The following MVB12B variants were observed in gnomAD, a reference collection of about 807,000 sequenced individuals.
MVB12B encodes the protein ESCRT-I complex subunit MVB12B.
MVB12B carries 16 observed loss-of-function variants against 41.6 expected under a neutral mutation model. That is an observed-to-expected ratio of 0.38 (90% confidence interval 0.26 to 0.58). The LOEUF is 0.58. Ranked by LOEUF, MVB12B falls within the 20% of genes least tolerant of loss-of-function variation. The pLI, the probability that MVB12B is intolerant of heterozygous loss-of-function variation, is 0.62. For missense variants in MVB12B, 274 were observed against 380.2 expected (o/e 0.72, Z 2.32); for synonymous variants, 133 against 139.7 (o/e 0.95, Z 0.34).
intron 7 of MVB12B, among the ~76,000 whole-genome samples, chr9:126,450,155 C>T (rs1832862831): frequency 6.6e-6 from 1 of 152,246 alleles, no homozygotes; most frequent in African/African-American, 2.4e-5. Flanking sequence ...CCTGGGAGGG[C>T]CCATCAGGTG....
At chr9:126,434,018 C>A (rs576111879) in intron 7 of MVB12B, among the ~76,000 whole-genome samples, 2 of 152,300 alleles carry the variant, frequency 1.3e-5, no homozygotes, top group African/African-American at 4.8e-5. Context: ...TCAGCTCTTA[C>A]ACAGTATGAG....
intron 3 of MVB12B, among the ~76,000 whole-genome samples, chr9:126,382,901 A>G (rs1830674161): frequency 6.6e-6 from 1 of 152,216 alleles, no homozygotes; most frequent in South Asian, 2.1e-4. Context: ...TTTCATCAAC[A>G]TATGTTGAAC....
At chr9:126,332,889 G>A (rs370584573) in intron 1 of MVB12B, among the ~76,000 whole-genome samples, 7 of 152,146 alleles carry the variant, frequency 4.6e-5, no homozygotes, top group South Asian at 2.1e-4. Flanking sequence ...AGTAACTTAC[G>A]GTCTGCTAGG....
In MVB12B at chr9:126,332,631, C is replaced by T. The variant is rs932627026; in HGVS notation, c.81+5621C>T. Among the ~76,000 whole-genome samples, 11 of 152,324 alleles carry T rather than the reference C, an allele frequency of 7.2e-5. No individual in the cohort carries two copies. In the South Asian group the frequency reaches 8.3e-4, roughly 11 times the overall value. On this transcript the variant is annotated intron_variant, in intron 1 of 9. Transcript: ENST00000361171. ...TGGAGGAATCAGTGACCCCAGACCC[C>T]GGGCTTTCACTGGAAGGGGTCTGAC...
At chr9:126,470,127 G>T (rs1282356015) in intron 7 of MVB12B, among the ~76,000 whole-genome samples, 1 of 152,158 alleles carries the variant, frequency 6.6e-6, no homozygotes, top group Non-Finnish European at 1.5e-5. Context: ...CCCTTTCGCG[G>T]TAGACCCCTT....
At chr9:126,362,745 T>C (rs1588107252) in intron 2 of MVB12B, among the ~76,000 whole-genome samples, 1 of 152,220 alleles carries the variant, frequency 6.6e-6, no homozygotes, top group Admixed American at 6.5e-5. Flanking sequence ...TGAAAAAAGA[T>C]TGGACGCTTC....
chr9:126,433,720 G>A (rs935514382), intron 7 of MVB12B, among the ~76,000 whole-genome samples: 7 of 152,076 alleles, frequency 4.6e-5, no homozygotes, highest in African/African-American at 1.4e-4. Flanking sequence ...ATTGCAGCCC[G>A]TGAGCATTCC....
chr9:126,445,223 CAT>C (rs951929756), intron 7 of MVB12B, among the ~76,000 whole-genome samples: 6 of 152,118 alleles, frequency 3.9e-5, no homozygotes, highest in Non-Finnish European at 2.9e-5. Context: ...TATTCAGTAA[CAT>C]ATTATAGTTT....
chr9:126,464,097 C>G (rs1833144403), intron 7 of MVB12B, among the ~76,000 whole-genome samples: 1 of 152,168 alleles, frequency 6.6e-6, no homozygotes, highest in Admixed American at 6.5e-5. Flanking sequence ...TGAGAGTTCC[C>G]CCACCTACAG....
Position 126,447,622 on chromosome 9 carries a change from G to A in MVB12B, c.757+25674G>A, listed in dbSNP as rs900171564. 5.3e-5 allele frequency among the ~76,000 whole-genome samples: 8 copies of A among 152,066 alleles called. No homozygotes were observed. In the East Asian group the frequency reaches 5.8e-4, roughly 11 times the overall value. ...ATATATCAGTTTTACTAAATGCTCC[G>A]TTGATACTTGAAAACACATCTTCTC... is the stretch of plus-strand genomic sequence containing the variant. On this transcript the variant is annotated intron_variant, in intron 7 of 9. Transcript: ENST00000361171.
At chr9:126,457,918 G>A (rs532996649) in intron 7 of MVB12B, among the ~76,000 whole-genome samples, 34 of 152,204 alleles carry the variant, frequency 2.2e-4, no homozygotes, top group Admixed American at 5.2e-4. Context: ...TAATAAAAGC[G>A]AGCAAAAAGC....
At chr9:126,402,840 C>T (rs1192634354) in intron 6 of MVB12B, among the ~76,000 whole-genome samples, 1 of 152,226 alleles carries the variant, frequency 6.6e-6, no homozygotes, top group Non-Finnish European at 1.5e-5. Flanking sequence ...ACAGAACATA[C>T]ATTTTCATTG....
chr9:126,458,427 C>T (rs180949630), intron 7 of MVB12B, among the ~76,000 whole-genome samples: 239 of 152,322 alleles, frequency 1.6e-3, no homozygotes, highest in African/African-American at 5.6e-3. Flanking sequence ...GACCCCTGGC[C>T]GGAGCCAGCA....
intron 7 of MVB12B, among the ~76,000 whole-genome samples, chr9:126,446,938 C>CTTT (rs33991689): frequency 1.2e-4 from 13 of 104,318 alleles, no homozygotes; most frequent in Non-Finnish European, 1.4e-4. Context: ...TTTTAACTTT[C>CTTT]TTTTTTTTTT....
chr9:126,419,606 AC>A (rs1379801394), intron 6 of MVB12B, among the ~76,000 whole-genome samples: 3 of 152,148 alleles, frequency 2.0e-5, no homozygotes, highest in African/African-American at 7.2e-5. Context: ...CTCAACCACA[AC>A]CACAGTCGAT....
Position 126,459,101 on chromosome 9 carries a change from G to T in MVB12B, c.758-22268G>T, listed in dbSNP as rs1207469353. Among the ~76,000 whole-genome samples, 1 of 152,186 alleles carries T rather than the reference G, an allele frequency of 6.6e-6. No individual in the cohort carries two copies. The highest frequency in any genetic ancestry group is 2.4e-5 in the African/African-American group (1 of 41,436). ...GTTTTAAGGGCTCAGATCACAGCAG[G>T]TCTGGACCTAAGAGAACCCCCAGGT... is the stretch of plus-strand genomic sequence containing the variant. On this transcript the variant is annotated intron_variant, in intron 7 of 9. Transcript: ENST00000361171. This position sits in a 1 kb window ranked among gnomAD's most constrained non-coding sequence, Gnocchi z 4.3.
At chr9:126,479,754 G>A (rs1350292664) in intron 7 of MVB12B, among the ~76,000 whole-genome samples, 2 of 152,218 alleles carry the variant, frequency 1.3e-5, no homozygotes, top group Admixed American at 6.5e-5. Context: ...GGAATGCAGC[G>A]ACTGCCGCCA....
intron 6 of MVB12B, among the ~76,000 whole-genome samples, chr9:126,403,553 G>C (rs941043010): frequency 6.6e-6 from 1 of 152,204 alleles, no homozygotes; most frequent in Admixed American, 6.5e-5. Context: ...GCTGCTTACT[G>C]ATGACAGAGA....
chr9:126,402,885 T>C (rs1409185586), intron 6 of MVB12B, among the ~76,000 whole-genome samples: 1 of 152,216 alleles, frequency 6.6e-6, no homozygotes, highest in Non-Finnish European at 1.5e-5. Flanking sequence ...CAGGGTTCTT[T>C]ACACAAGGAG....
Sources: gnomAD v4.1 joint callset for allele counts (sites outside exome capture counted in the v4.1 genomes callset) on GRCh38, gnomAD v4.1.1 for gene constraint, Gnocchi (gnomAD v3.1) non-coding constraint, MANE v1.5 for transcripts, NCBI Gene and HGNC (gene_info 2026-07-23, HGNC 2026-07-21) for gene names.